The following SRBD1 variants were observed in gnomAD, a reference collection of about 807,000 sequenced individuals.
The protein encoded by SRBD1 is S1 RNA-binding domain-containing protein 1.
In SRBD1, 88 loss-of-function variants were observed where a neutral mutation model predicts 115.3. The observed-to-expected ratio is 0.76, with a 90% confidence interval of 0.64 to 0.91. The LOEUF is 0.91. Ranked by LOEUF, SRBD1 falls within the 40% of genes least tolerant of loss-of-function variation. The probability of loss-of-function intolerance (pLI) is 0.00; values close to 1 mark genes in which losing one functional copy is unlikely to be tolerated. For missense variants in SRBD1, 1,385 were observed against 1,177.4 expected (o/e 1.18, Z -2.58); for synonymous variants, 509 against 407.7 (o/e 1.25, Z -2.99).
rs200487104 is a variant in SRBD1, at chr2:45,520,679, A to G, written c.1874+26053T>C. Among the ~76,000 whole-genome samples the G allele has an allele frequency of 1.4e-4, 16 of 111,468 alleles. No homozygotes were observed. In the South Asian group the frequency reaches 3.9e-3, roughly 27 times the overall value. 73.1% of individuals were successfully genotyped at this position (111,468 alleles called of 152,430 possible). ...CAAATGGCAGAATGGCGCAGCAGAG[A>G]AAGAGGAGAGAAGGAGCATCTGAAC... On this transcript the variant is annotated intron_variant, in intron 14 of 20. Transcript: ENST00000263736.
chr2:45,424,225 T>G (rs1283317838), intron 16 of SRBD1, among the ~76,000 whole-genome samples: 1 of 152,146 alleles, frequency 6.6e-6, no homozygotes, highest in Non-Finnish European at 1.5e-5. Flanking sequence ...AGTTGCCTCA[T>G]ACTTTGTGCT....
chr2:45,536,329 TA>T (rs147766232), intron 14 of SRBD1, among the ~76,000 whole-genome samples: 3,924 of 151,922 alleles, frequency 0.026, 175 homozygotes, highest in African/African-American at 0.089. Context: ...TTTTTTCTTC[TA>T]GGGGAAAAAA....
chr2:45,486,761 A>C (rs2103849615), intron 15 of SRBD1, among the ~76,000 whole-genome samples: 1 of 151,404 alleles, frequency 6.6e-6, no homozygotes, highest in African/African-American at 2.4e-5. Context: ...AAATAAAATA[A>C]ATAAATAAAT....
chr2:45,436,169 C>G (rs1668491743), intron 16 of SRBD1, among the ~76,000 whole-genome samples: 1 of 151,994 alleles, frequency 6.6e-6, no homozygotes, highest in Non-Finnish European at 1.5e-5. Flanking sequence ...ATCACATAGT[C>G]CTAGCTGCAG....
chr2:45,434,854 T>C (rs554601254), intron 16 of SRBD1, among the ~76,000 whole-genome samples: 1 of 151,960 alleles, frequency 6.6e-6, no homozygotes, highest in African/African-American at 2.4e-5. Context: ...ATGTGTCATG[T>C]TGGTTTGCTG....
At chr2:45,473,268 A>C (rs1191902598) in intron 16 of SRBD1, among the ~76,000 whole-genome samples, 1 of 152,088 alleles carries the variant, frequency 6.6e-6, no homozygotes, top group Non-Finnish European at 1.5e-5. Flanking sequence ...TTTATATCTG[A>C]ATCTTTTTCC....
chr2:45,566,431 T>C (rs960278087), intron 9 of SRBD1, among the ~76,000 whole-genome samples: 3 of 152,190 alleles, frequency 2.0e-5, no homozygotes, highest in Non-Finnish European at 2.9e-5. Context: ...GAAACCATTA[T>C]GCTAAGTGAA....
At chr2:45,604,690 T>C (rs935671827) in intron 2 of SRBD1, among the ~76,000 whole-genome samples, 3 of 152,128 alleles carry the variant, frequency 2.0e-5, no homozygotes, top group African/African-American at 7.2e-5. Flanking sequence ...CCAAATCTCA[T>C]CTAGATCTCT....
At chr2:45,508,478 A>G (rs192931230) in intron 14 of SRBD1, among the ~76,000 whole-genome samples, 1 of 152,302 alleles carries the variant, frequency 6.6e-6, no homozygotes, top group Admixed American at 6.5e-5. Flanking sequence ...TGTTGTCCTA[A>G]AAATATAGTC....
chr2:45,599,722 A>T lies in SRBD1; in HGVS notation c.375T>A (p.His125Gln), dbSNP rs1674031037. The T allele has an allele frequency of 6.2e-7, 1 of 1,614,006 alleles. No individual in the cohort carries two copies. The highest frequency in any genetic ancestry group is 1.3e-5 in the African/African-American group (1 of 74,904). ...TCAGCTTTTTAGTCCTTCGAACTGT[A>T]TGTGGCTGCGCTGCACATTTCTGTT... ...KTKQKCAAQP[H>Q]TVRRTKKLKV... Residue 125 changes from histidine to glutamine, a missense_variant, in exon 4 of 21, where the codon CAT (histidine) becomes CAA (glutamine). Coordinates refer to ENST00000263736, the MANE Select transcript of SRBD1 (RefSeq NM_018079.5).
At chr2:45,600,794 G>A (rs905881571) in intron 3 of SRBD1, among the ~76,000 whole-genome samples, 2 of 152,138 alleles carry the variant, frequency 1.3e-5, no homozygotes, top group Admixed American at 1.3e-4. Flanking sequence ...GATGCAGATG[G>A]CACAAACATG....
chr2:45,488,157 G>A lies in SRBD1; in HGVS notation c.1966+83C>T, dbSNP rs1670176788. 5.0e-6 allele frequency: 6 copies of A among 1,194,130 alleles called. No individual in the cohort carries two copies. The African/African-American group carries it at 9.2e-5, about 18-fold the overall frequency. The allele number at this position is 1,194,130 out of a possible 1,614,324, so 74.0% of individuals were successfully genotyped here. A position where few individuals can be genotyped will look rare whatever the true frequency, so the allele number is the denominator to read the frequency against. ...GTAGTATAACTTTTAAATTTTCTTTGATATTTAGAATATTTAGCATGCCAC... is the reference window on the plus strand; with the variant it reads ...GTAGTATAACTTTTAAATTTTCTTTAATATTTAGAATATTTAGCATGCCAC... On this transcript the variant is annotated intron_variant, in intron 15 of 20. Coordinates refer to ENST00000263736, the MANE Select transcript of SRBD1 (RefSeq NM_018079.5).
intron 7 of SRBD1, among the ~76,000 whole-genome samples, chr2:45,577,470 C>G (rs1461795014): frequency 6.6e-6 from 1 of 152,064 alleles, no homozygotes; most frequent in Non-Finnish European, 1.5e-5. Context: ...ACCGAAAGGC[C>G]AACATTTCTT....
intron 14 of SRBD1, among the ~76,000 whole-genome samples, chr2:45,512,552 G>A (rs1345273559): frequency 1.3e-5 from 2 of 152,064 alleles, no homozygotes; most frequent in African/African-American, 2.4e-5. Context: ...GGCAAATATC[G>A]AACTCTACTA....
chr2:45,389,849 A>G (rs905543457), intron 20 of SRBD1, among the ~76,000 whole-genome samples: 1 of 152,220 alleles, frequency 6.6e-6, no homozygotes, highest in Non-Finnish European at 1.5e-5. Flanking sequence ...CTAGCATTAT[A>G]CATAAGGATC....
At chr2:45,525,922 T>C (rs1040055843) in intron 14 of SRBD1, among the ~76,000 whole-genome samples, 1 of 152,046 alleles carries the variant, frequency 6.6e-6, no homozygotes, top group Non-Finnish European at 1.5e-5. Context: ...CACAATGATA[T>C]ACTACTTCAT....
At chr2:45,547,981 T>C (rs1204703786) in intron 12 of SRBD1, among the ~76,000 whole-genome samples, 6 of 152,166 alleles carry the variant, frequency 3.9e-5, no homozygotes, top group Admixed American at 2.0e-4. Context: ...TGGTTGTAGA[T>C]ACATGACTTT....
chr2:45,488,205 A>G (rs770282956), intron 15 of SRBD1, 35 bp downstream of exon 15: 14 of 1,582,914 alleles, frequency 8.8e-6, no homozygotes, highest in African/African-American at 2.7e-5. Flanking sequence ...AAATATCAAA[A>G]TCACATGTTT....
intron 14 of SRBD1, among the ~76,000 whole-genome samples, chr2:45,509,717 G>A (rs1470696180): frequency 6.6e-6 from 1 of 151,574 alleles, no homozygotes; most frequent in African/African-American, 2.4e-5. Context: ...AACCAGGTTT[G>A]TCTCCAGATA....
Sources: allele counts gnomAD v4.1 joint callset (sites outside exome capture counted in the v4.1 genomes callset), GRCh38; gene constraint gnomAD v4.1.1; transcripts MANE v1.5; gene names NCBI Gene and HGNC (gene_info 2026-07-23, HGNC 2026-07-21).